Variants in ZBTB16 observed in about 807,000 individuals in gnomAD.
The protein encoded by ZBTB16 is zinc finger and BTB domain containing 16.
Under a neutral mutation model 56.8 loss-of-function variants are expected in ZBTB16, and 8 were observed. The observed-to-expected ratio is 0.14, with a 90% CI of 0.08 to 0.25. The LOEUF (loss-of-function observed/expected upper bound fraction) is 0.25. ZBTB16 is among the 10% of genes least tolerant of loss of function. The pLI is 1.00. For missense variants in ZBTB16, 625 were observed against 903.0 expected, an observed-to-expected ratio of 0.69 and a Z score of 3.95; for synonymous variants, 363 against 368.5, an observed-to-expected ratio of 0.98 and a Z score of 0.17.
At position 114,201,708 on chromosome 11, in the gene ZBTB16, A is replaced by G. The variant is rs550777831; in HGVS notation, c.1453+14670A>G. Among the ~76,000 whole-genome samples, 8 of 152,330 alleles carry G rather than the reference A, an allele frequency of 5.3e-5. No homozygotes were observed. In the East Asian group the frequency reaches 9.6e-4, roughly 18 times the overall value. Reference sequence around the variant, plus strand: ...AAATCAGGTTATATAGTGTGGTCCCATTTCATATAAAATACTAAAGCCACC... The same window carrying G: ...AAATCAGGTTATATAGTGTGGTCCCGTTTCATATAAAATACTAAAGCCACC... On this transcript the variant is annotated intron_variant, in intron 4 of 6. Coordinates refer to ENST00000335953, the MANE Select transcript of ZBTB16 (RefSeq NM_006006.6).
chr11:114,123,549 AAT>A (rs1194656326), intron 2 of ZBTB16, among the ~76,000 whole-genome samples: 2 of 152,062 alleles, frequency 1.3e-5, no homozygotes, highest in South Asian at 2.1e-4. Context: ...GTGTGTATGT[AAT>A]TAGAGAGGAC....
intron 4 of ZBTB16, among the ~76,000 whole-genome samples, chr11:114,240,750 T>C (rs1031712257): frequency 2.0e-5 from 3 of 152,092 alleles, no homozygotes; most frequent in East Asian, 1.9e-4. Context: ...CAGAAAGGGA[T>C]TGGTAACAAA....
At chr11:114,227,869 G>A (rs560628642) in intron 4 of ZBTB16, among the ~76,000 whole-genome samples, 2 of 152,334 alleles carry the variant, frequency 1.3e-5, no homozygotes, top group African/African-American at 4.8e-5. Context: ...TATATGTAAT[G>A]CAAAATTTGC....
rs1350443287 is a variant in ZBTB16 at position 114,147,719 on chromosome 11, T to C, written c.1269-8618T>C. Among the ~76,000 whole-genome samples, 6 of 152,330 alleles carry C rather than the reference T, an allele frequency of 3.9e-5. No individual in the cohort carries two copies. In the East Asian group the frequency reaches 1.2e-3, roughly 29 times the overall value. On this transcript the variant is annotated intron_variant, in intron 2 of 6. Transcript: ENST00000335953. ...AGAAAAAGAAAAAACTACAAAAGTA[T>C]GTATTGATCTCTTCCCCTCGGATCT... is the stretch of plus-strand genomic sequence containing the variant.
At chr11:114,171,730 C>T (rs1434140476) in intron 3 of ZBTB16, among the ~76,000 whole-genome samples, 5 of 152,068 alleles carry the variant, frequency 3.3e-5, no homozygotes, top group Non-Finnish European at 7.4e-5. Flanking sequence ...TTTTTTTTTC[C>T]TACTCTCCGT....
intron 2 of ZBTB16, among the ~76,000 whole-genome samples, chr11:114,094,490 T>C (rs559498301): frequency 1.3e-5 from 2 of 152,198 alleles, no homozygotes; most frequent in Non-Finnish European, 2.9e-5. Context: ...TGGATTGCAA[T>C]GCTGTGGCTG....
chr11:114,100,789 T>G (rs1940578361), intron 2 of ZBTB16, among the ~76,000 whole-genome samples: 7 of 152,324 alleles, frequency 4.6e-5, no homozygotes, highest in Admixed American at 3.9e-4. Flanking sequence ...ACTTACAAAC[T>G]TACCGCAGGA....
At chr11:114,234,774 C>G (rs1365694373) in intron 4 of ZBTB16, among the ~76,000 whole-genome samples, 1 of 152,228 alleles carries the variant, frequency 6.6e-6, no homozygotes, top group African/African-American at 2.4e-5. Flanking sequence ...GCAGACAGAG[C>G]CTTCCTTCCT....
At chr11:114,088,536 C>T (rs1373808893) in intron 2 of ZBTB16, among the ~76,000 whole-genome samples, 1 of 152,134 alleles carries the variant, frequency 6.6e-6, no homozygotes, top group Non-Finnish European at 1.5e-5. Flanking sequence ...GTTATACAGC[C>T]CCGCTTCGTC....
chr11:114,225,322 C>T (rs1944307377), intron 4 of ZBTB16, among the ~76,000 whole-genome samples: 1 of 152,124 alleles, frequency 6.6e-6, no homozygotes, highest in Non-Finnish European at 1.5e-5. Flanking sequence ...AGAGTGTTCT[C>T]TATAAGCACC....
At chr11:114,110,141 G>A (rs556834267) in intron 2 of ZBTB16, among the ~76,000 whole-genome samples, 75 of 152,266 alleles carry the variant, frequency 4.9e-4, no homozygotes, top group South Asian at 2.5e-3. Flanking sequence ...GGCTCTTGGT[G>A]GAGCCCCTCA....
chr11:114,240,485 A>G (rs1246541632), intron 4 of ZBTB16, among the ~76,000 whole-genome samples: 1 of 119,888 alleles, frequency 8.3e-6, no homozygotes, highest in Non-Finnish European at 1.6e-5. Context: ...GGACTGACAG[A>G]TGCTAGGCCT....
At chr11:114,237,834 A>T (rs1239560661) in intron 4 of ZBTB16, among the ~76,000 whole-genome samples, 1 of 152,100 alleles carries the variant, frequency 6.6e-6, no homozygotes, top group Non-Finnish European at 1.5e-5. Flanking sequence ...CCATTTTTTT[A>T]AAAATACTTT....
intron 4 of ZBTB16, among the ~76,000 whole-genome samples, chr11:114,233,125 A>ACACACACACACACTCT (rs1443230792): frequency 3.7e-5 from 2 of 54,718 alleles, no homozygotes; most frequent in African/African-American, 1.0e-4. Context: ...ACACACACAC[A>ACACACACACACACTCT]CTCTCTCTCT....
chr11:114,131,803 A>G (rs1941667332), intron 2 of ZBTB16, among the ~76,000 whole-genome samples: 1 of 152,234 alleles, frequency 6.6e-6, no homozygotes, highest in African/African-American at 2.4e-5. Context: ...CTGCTTTCAG[A>G]ATGTGTAAAC....
intron 3 of ZBTB16, among the ~76,000 whole-genome samples, chr11:114,165,721 G>A (rs944432561): frequency 2.6e-5 from 4 of 152,092 alleles, no homozygotes; most frequent in East Asian, 1.9e-4. Context: ...ACTGGCTTCC[G>A]GGAGAACAGG....
rs949843620 is a variant in ZBTB16 at position 114,143,123 on chromosome 11, G to A, written c.1269-13214G>A. Among the ~76,000 whole-genome samples the A allele has an allele frequency of 1.2e-4, 19 of 152,212 alleles. 1 individual carries two copies. The Middle Eastern group carries it at 0.01, about 82-fold the overall frequency. On this transcript the variant is annotated intron_variant, in intron 2 of 6. Coordinates refer to ENST00000335953, the MANE Select transcript of ZBTB16 (RefSeq NM_006006.6). The surrounding 1 kb of genome is among the most constrained non-coding windows in gnomAD (Gnocchi z 6.4). The stretch of plus-strand genomic sequence containing the variant: ...CAGGTTCCGAGGCTCCTGTGCACAC[G>A]GTGAATGTGTGCTGGCTGATGAGGG...
At chr11:114,144,252 C>T (rs928104715) in intron 2 of ZBTB16, among the ~76,000 whole-genome samples, 6 of 151,832 alleles carry the variant, frequency 4.0e-5, no homozygotes, top group East Asian at 1.9e-4. Context: ...TTGTAAACCT[C>T]GTCCGTGTGG....
intron 4 of ZBTB16, chr11:114,209,939 A>C: frequency 1.0e-6 from 1 of 985,396 alleles, no homozygotes; most frequent in Non-Finnish European, 1.2e-6. Context: ...CACAGGAACA[A>C]AGAAATTTCT....
Sources: gnomAD v4.1 joint callset for allele counts (sites outside exome capture counted in the v4.1 genomes callset) on GRCh38, gnomAD v4.1.1 for gene constraint, Gnocchi (gnomAD v3.1) non-coding constraint, MANE v1.5 for transcripts, NCBI Gene and HGNC (gene_info 2026-07-23, HGNC 2026-07-21) for gene names.